CLCN4: variants seen among roughly 807,000 people sequenced by gnomAD.
CLCN4 encodes the protein H(+)/Cl(-) exchange transporter 4.
In CLCN4, 1 loss-of-function variant was observed where a neutral mutation model predicts 41.7. The observed-to-expected ratio is 0.02, with a 90% CI of 0.01 to 0.11. The LOEUF (loss-of-function observed/expected upper bound fraction) is 0.11. Ranked by LOEUF, CLCN4 falls within the 10% of genes least tolerant of loss-of-function variation. The probability of loss-of-function intolerance (pLI) is 1.00; values close to 1 mark genes in which losing one functional copy is unlikely to be tolerated. For synonymous variants in CLCN4, 277 were observed against 285.8 expected, an observed-to-expected ratio of 0.97 and a Z score of 0.31; for missense variants, 287 against 661.0, an observed-to-expected ratio of 0.43 and a Z score of 6.20.
At chrX:10,179,818 AC>A (rs1295865711) in intron 2 of CLCN4, among the ~76,000 whole-genome samples, 1 of 112,590 alleles carries the variant, frequency 8.9e-6, no homozygotes, top group Non-Finnish European at 1.9e-5. Flanking sequence ...TCTTCACAGC[AC>A]CCTGAGGCAG....
chrX:10,186,150 G>C (rs1923804468), intron 3 of CLCN4, among the ~76,000 whole-genome samples: 1 of 111,146 alleles, frequency 9.0e-6, no homozygotes, highest in African/African-American at 3.3e-5. Context: ...AGACTGCGGA[G>C]GAGGCCATTG....
chrX:10,163,494 A>G (rs1170580764), intron 2 of CLCN4, among the ~76,000 whole-genome samples: 2 of 107,660 alleles, frequency 1.9e-5, no homozygotes, highest in Non-Finnish European at 3.8e-5. Context: ...TGCAACCTTC[A>G]TCTCCCAGGT....
chrX:10,215,240 T>C (rs1354527689), intron 11 of CLCN4, among the ~76,000 whole-genome samples: 1 of 112,225 alleles, frequency 8.9e-6, no homozygotes, highest in Non-Finnish European at 1.9e-5. Flanking sequence ...CTCCCTGTCC[T>C]TTGTTTCCTG....
chrX:10,158,418 C>CT lies in CLCN4; in HGVS notation c.-145_-144insT, dbSNP rs1371371167. 562 of 296,899 alleles carry CT rather than the reference C, an allele frequency of 1.9e-3. 3 individuals are homozygous for CT. Among genetic ancestry groups the CT allele is most frequent in the African/African-American group, 0.014 (515 of 36,970 alleles). The allele number at this position is 296,899 out of a possible 1,213,427, so 24.5% of individuals were successfully genotyped here. On this transcript the variant is annotated 5_prime_UTR_variant, in exon 2 of 13. Transcript: ENST00000380833. ...ACCCCGCGCACACCTCCCTGCCTCG[C>CT]CCCGAGGGCGTCACGTGGCAGCGTG...
At chrX:10,182,155 T>C (rs535111685) in intron 2 of CLCN4, among the ~76,000 whole-genome samples, 4 of 112,202 alleles carry the variant, frequency 3.6e-5, no homozygotes, top group Middle Eastern at 4.6e-3. Flanking sequence ...GGTACTGTCA[T>C]GTATGGCTGC....
At chrX:10,218,939 A>T (rs1024838505) in intron 11 of CLCN4, among the ~76,000 whole-genome samples, 1 of 112,222 alleles carries the variant, frequency 8.9e-6, no homozygotes, top group Non-Finnish European at 1.9e-5. Context: ...GCAGAACCAG[A>T]TACACTGACA....
chrX:10,215,853 G>A (rs966325835), intron 11 of CLCN4, among the ~76,000 whole-genome samples: 1 of 111,944 alleles, frequency 8.9e-6, no homozygotes, highest in Admixed American at 9.5e-5. Flanking sequence ...GTCTGAAGAG[G>A]CACCACACGG....
Position 10,194,215 on chromosome X carries a change from T to C in CLCN4, c.245-696T>C, listed in dbSNP as rs771086614. Reference sequence around the variant, plus strand: ...ATGATGCAGTGAAAAGGCTGAAAAATGAAGATGCTTGAAAGCATTCTCTGC... The same window carrying C: ...ATGATGCAGTGAAAAGGCTGAAAAACGAAGATGCTTGAAAGCATTCTCTGC... On this transcript the variant is annotated intron_variant, in intron 4 of 12. Transcript: ENST00000380833. 1.1e-4 allele frequency among the ~76,000 whole-genome samples: 12 copies of C among 110,656 alleles called. No individual in the cohort carries two copies. The South Asian group carries it at 4.2e-3, about 39-fold the overall frequency.
chrX:10,192,036 A>C (rs930179465), intron 4 of CLCN4, among the ~76,000 whole-genome samples: 2 of 110,247 alleles, frequency 1.8e-5, no homozygotes, highest in African/African-American at 6.6e-5. Context: ...TGATTTTTTC[A>C]TTCATTTATT....
At chrX:10,178,475 C>T (rs934053308) in intron 2 of CLCN4, among the ~76,000 whole-genome samples, 3 of 111,723 alleles carry the variant, frequency 2.7e-5, no homozygotes, top group African/African-American at 9.8e-5. Flanking sequence ...GTAATCCAGA[C>T]TCTTCCTCTA....
intron 9 of CLCN4, among the ~76,000 whole-genome samples, chrX:10,208,933 C>T (rs1353863270): frequency 5.4e-5 from 6 of 111,716 alleles, no homozygotes; most frequent in African/African-American, 1.6e-4. Context: ...GGTTTCCTGC[C>T]GCTGGCCAGG....
intron 12 of CLCN4, among the ~76,000 whole-genome samples, chrX:10,226,462 C>T (rs1366508264): frequency 9.0e-6 from 1 of 111,238 alleles, no homozygotes; most frequent in Non-Finnish European, 1.9e-5. Context: ...CAAGTCAACA[C>T]CCTAACATCA....
chrX:10,205,487 A>G (rs774292908), intron 6 of CLCN4, among the ~76,000 whole-genome samples: 10 of 100,475 alleles, frequency 1.0e-4, no homozygotes, highest in East Asian at 5.8e-4. Context: ...AAAAAAAAAA[A>G]AAAGAAAAAG....
At chrX:10,173,939 G>A (rs1240451302) in intron 2 of CLCN4, among the ~76,000 whole-genome samples, 1 of 112,120 alleles carries the variant, frequency 8.9e-6, no homozygotes, top group Non-Finnish European at 1.9e-5. Context: ...TTTGGGGCTA[G>A]ATCACTCTTC....
intron 4 of CLCN4, 70 bp from the exon 5 acceptor site, chrX:10,194,841 C>G (rs1466251781): frequency 2.8e-6 from 3 of 1,081,786 alleles, no homozygotes; most frequent in East Asian, 6.1e-5. Flanking sequence ...CCTGTCTGGC[C>G]GCCGTGTTGG....
At chrX:10,205,955 C>T (rs1338690673) in intron 6 of CLCN4, among the ~76,000 whole-genome samples, 1 of 110,198 alleles carries the variant, frequency 9.1e-6, no homozygotes, top group Non-Finnish European at 1.9e-5. Flanking sequence ...ACTCTCCTTG[C>T]CTTGTCACAT....
chrX:10,199,571 G>C (rs1371643019), intron 6 of CLCN4, among the ~76,000 whole-genome samples: 2 of 111,083 alleles, frequency 1.8e-5, no homozygotes, highest in Non-Finnish European at 3.8e-5. Context: ...GTAGATGTTT[G>C]ACTCGTGTAT....
rs760085437 is a variant in CLCN4 at position 10,165,610 on chromosome X, G to A, written c.-12+7059G>A. Among the ~76,000 whole-genome samples, 4 of 112,280 alleles carry A rather than the reference G, an allele frequency of 3.6e-5. 1 individual carries two copies. The Admixed American group carries it at 3.7e-4, about 11-fold the overall frequency. On this transcript the variant is annotated intron_variant, in intron 2 of 12. Coordinates refer to ENST00000380833, the MANE Select transcript of CLCN4 (RefSeq NM_001830.4). ...GCTGCCGCTCCCCTGAGCCTTGCCC[G>A]CAGTTTCGCGATGCTTCCCGATGGG...
chrX:10,215,116 G>A (rs1022489901), intron 11 of CLCN4, among the ~76,000 whole-genome samples: 2 of 112,078 alleles, frequency 1.8e-5, no homozygotes, highest in Non-Finnish European at 3.8e-5. Flanking sequence ...GCACACGACA[G>A]TTTTACTATA....
Sources: gnomAD v4.1 joint callset for allele counts (sites outside exome capture counted in the v4.1 genomes callset) on GRCh38, gnomAD v4.1.1 for gene constraint, MANE v1.5 for transcripts, NCBI Gene and HGNC (gene_info 2026-07-23, HGNC 2026-07-21) for gene names.